Variants in ARL6IP6 observed in about 807,000 individuals in gnomAD.
ARL6IP6 encodes ADP-ribosylation factor-like protein 6-interacting protein 6.
Under a neutral mutation model 21.5 loss-of-function variants are expected in ARL6IP6, and 22 were observed. The ratio of observed to expected loss-of-function variants is 1.02; its 90% confidence interval spans 0.73 to 1.46. The LOEUF (loss-of-function observed/expected upper bound fraction) is 1.46. Among genes scored for constraint, ARL6IP6 ranks in the 40% most tolerant of loss-of-function variants. The pLI is 0.00. For synonymous variants in ARL6IP6, 164 were observed against 125.3 expected (o/e 1.31, Z -2.06); for missense variants, 388 against 299.8 (o/e 1.29, Z -2.17).
At chr2:152,732,783 C>T (rs1700379840) in intron 2 of ARL6IP6, among the ~76,000 whole-genome samples, 1 of 152,136 alleles carries the variant, frequency 6.6e-6, no homozygotes, top group Admixed American at 6.5e-5. Context: ...GACCTATGCA[C>T]ATCCTCCCAT....
chr2:152,736,787 T>A (rs1403419361), intron 3 of ARL6IP6, among the ~76,000 whole-genome samples: 1 of 152,214 alleles, frequency 6.6e-6, no homozygotes, highest in Non-Finnish European at 1.5e-5. Flanking sequence ...TATAGACAAC[T>A]ATTTACACAG....
intron 2 of ARL6IP6, 135 bp from the exon 3 acceptor site, chr2:152,734,859 C>A: frequency 1.1e-6 from 1 of 951,748 alleles, no homozygotes; most frequent in South Asian, 2.2e-5. Flanking sequence ...GCAATAAGTT[C>A]AAATCTCTTA....
chr2:152,754,136 C>A (rs1319489570), intron 3 of ARL6IP6, among the ~76,000 whole-genome samples: 1 of 151,340 alleles, frequency 6.6e-6, no homozygotes, highest in Non-Finnish European at 1.5e-5. Context: ...TACTGAATAA[C>A]AATATTCAGC....
intron 3 of ARL6IP6, among the ~76,000 whole-genome samples, chr2:152,750,752 C>T (rs1389676015): frequency 6.6e-6 from 1 of 152,176 alleles, no homozygotes; most frequent in East Asian, 1.9e-4. Flanking sequence ...GTGTGCTCTG[C>T]TCGTTTACAT....
intron 3 of ARL6IP6, among the ~76,000 whole-genome samples, chr2:152,757,085 A>T (rs549219461): frequency 6.6e-6 from 1 of 152,344 alleles, no homozygotes; most frequent in African/African-American, 2.4e-5. Flanking sequence ...TACAACATGG[A>T]TGAATCTCAC....
chr2:152,745,902 G>T (rs1001928878), intron 3 of ARL6IP6, among the ~76,000 whole-genome samples: 4 of 149,608 alleles, frequency 2.7e-5, no homozygotes, highest in African/African-American at 9.8e-5. Flanking sequence ...TCTGAATGGA[G>T]ATATGCATAG....
chr2:152,729,578 A>C (rs78693064), intron 2 of ARL6IP6, among the ~76,000 whole-genome samples: 2,501 of 152,292 alleles, frequency 0.016, 30 homozygotes, highest in Non-Finnish European at 0.027. Context: ...ATTAAAAAAA[A>C]ACACACACAC....
intron 3 of ARL6IP6, among the ~76,000 whole-genome samples, chr2:152,736,838 A>G (rs1472438748): frequency 2.0e-5 from 3 of 152,210 alleles, no homozygotes; most frequent in Admixed American, 6.5e-5. Context: ...TCTAGAGATG[A>G]TTTAAAGTAT....
intron 2 of ARL6IP6, among the ~76,000 whole-genome samples, chr2:152,733,234 C>T (rs773114471): frequency 3.9e-5 from 6 of 151,906 alleles, no homozygotes; most frequent in African/African-American, 7.3e-5. Flanking sequence ...GGCCTTCTTC[C>T]GAATCTTGTG....
chr2:152,725,068 G>A lies in ARL6IP6; in HGVS notation c.454+4482G>A, dbSNP rs969470588. On this transcript the variant is annotated intron_variant, in intron 2 of 3. Coordinates refer to ENST00000326446, the MANE Select transcript of ARL6IP6 (RefSeq NM_152522.7). ...CCATTTTTCATTTCTGAATTATTTCGAGCAGTTCTGTTTGTAAGGATTGAA... is the reference window on the plus strand; with the variant it reads ...CCATTTTTCATTTCTGAATTATTTCAAGCAGTTCTGTTTGTAAGGATTGAA... Among the ~76,000 whole-genome samples the A allele has an allele frequency of 7.2e-5, 11 of 152,148 alleles. No homozygotes were observed. In the South Asian group the frequency reaches 8.3e-4, roughly 11 times the overall value.
At chr2:152,726,068 G>A (rs1700033374) in intron 2 of ARL6IP6, among the ~76,000 whole-genome samples, 1 of 152,012 alleles carries the variant, frequency 6.6e-6, no homozygotes, top group South Asian at 2.1e-4. Context: ...GTTTAAAGCT[G>A]GATGATGGGT....
At chr2:152,740,042 A>G (rs1342972884) in intron 3 of ARL6IP6, among the ~76,000 whole-genome samples, 1 of 152,226 alleles carries the variant, frequency 6.6e-6, no homozygotes, top group Non-Finnish European at 1.5e-5. Context: ...ACTGCAATTC[A>G]GGATGAGATT....
intron 3 of ARL6IP6, among the ~76,000 whole-genome samples, chr2:152,747,479 C>A (rs1387092412): frequency 2.6e-5 from 4 of 152,130 alleles, no homozygotes; most frequent in Non-Finnish European, 5.9e-5. Context: ...CCTTTATGTT[C>A]CAGTAATACT....
chr2:152,751,458 G>A (rs1050178854), intron 3 of ARL6IP6, among the ~76,000 whole-genome samples: 2 of 152,060 alleles, frequency 1.3e-5, no homozygotes, highest in African/African-American at 4.8e-5. Flanking sequence ...CTATCTGATC[G>A]TAATTTTGTA....
At chr2:152,732,841 G>T (rs937114782) in intron 2 of ARL6IP6, among the ~76,000 whole-genome samples, 2 of 150,998 alleles carry the variant, frequency 1.3e-5, no homozygotes, top group African/African-American at 2.4e-5. Flanking sequence ...GTAAATAGTT[G>T]TTATACTGTA....
At chr2:152,726,193 G>A (rs1700040595) in intron 2 of ARL6IP6, among the ~76,000 whole-genome samples, 1 of 151,860 alleles carries the variant, frequency 6.6e-6, no homozygotes, top group African/African-American at 2.4e-5. Context: ...TACCAATGTT[G>A]GGAACTACAG....
chr2:152,749,314 A>AAACAC (rs1701206417), intron 3 of ARL6IP6, among the ~76,000 whole-genome samples: 2 of 150,120 alleles, frequency 1.3e-5, no homozygotes, highest in Admixed American at 6.6e-5. Flanking sequence ...CACACACAAA[A>AAACAC]ACACACACAC....
chr2:152,726,163 C>A (rs1440612889), intron 2 of ARL6IP6, among the ~76,000 whole-genome samples: 2 of 151,070 alleles, frequency 1.3e-5, no homozygotes, highest in Non-Finnish European at 2.9e-5. Flanking sequence ...TTTTAATTTT[C>A]CCATGTGAAT....
intron 2 of ARL6IP6, among the ~76,000 whole-genome samples, chr2:152,732,258 A>G (rs1700353516): frequency 6.6e-6 from 1 of 152,092 alleles, no homozygotes; most frequent in Non-Finnish European, 1.5e-5. Flanking sequence ...GATACTGCCA[A>G]ACTGCTCTCC....
Sources: gnomAD v4.1 joint callset for allele counts (sites outside exome capture counted in the v4.1 genomes callset) on GRCh38, gnomAD v4.1.1 for gene constraint, MANE v1.5 for transcripts, NCBI Gene and HGNC (gene_info 2026-07-23, HGNC 2026-07-21) for gene names.